Variants in EML6 observed in about 807,000 individuals in gnomAD.
The protein encoded by EML6 is EMAP like 6.
A neutral mutation model predicts 240.1 loss-of-function variants in EML6; 154 were observed. The observed-to-expected ratio is 0.64, with a 90% CI of 0.56 to 0.73. The LOEUF (loss-of-function observed/expected upper bound fraction) is 0.73. Ranked by LOEUF, EML6 falls within the 30% of genes least tolerant of loss-of-function variation. The pLI is 0.00. For synonymous variants in EML6, 1,148 were observed against 899.0 expected (o/e 1.28, Z -4.95); for missense variants, 2,964 against 2,474.6 (o/e 1.20, Z -4.20).
chr2:54,752,725 T>G (rs1265300439), intron 2 of EML6, among the ~76,000 whole-genome samples: 2 of 152,220 alleles, frequency 1.3e-5, no homozygotes. Context: ...TAAATATAAT[T>G]TATTGTGTTC....
At chr2:54,887,326 C>T (rs192507796) in intron 17 of EML6, among the ~76,000 whole-genome samples, 6 of 152,328 alleles carry the variant, frequency 3.9e-5, no homozygotes, top group Admixed American at 3.3e-4. Flanking sequence ...TTCACGTTAG[C>T]TAGAATTATT....
At chr2:54,794,302 T>A (rs1669634689) in intron 2 of EML6, among the ~76,000 whole-genome samples, 1 of 152,206 alleles carries the variant, frequency 6.6e-6, no homozygotes, top group Non-Finnish European at 1.5e-5. Context: ...TGTAGGTCAC[T>A]CAGAGGCATT....
intron 2 of EML6, among the ~76,000 whole-genome samples, chr2:54,731,870 G>C (rs968705503): frequency 6.6e-6 from 1 of 151,728 alleles, no homozygotes; most frequent in African/African-American, 2.4e-5. Flanking sequence ...ACACCTTTTT[G>C]AAGCACTGTG....
In EML6 at chr2:54,813,335, C is replaced by T. The variant is rs918790256; in HGVS notation, c.301C>T (p.Leu101Phe). The T allele has an allele frequency of 6.4e-7, 1 of 1,551,678 alleles. No individual in the cohort carries two copies. Among genetic ancestry groups the T allele is most frequent in the Non-Finnish European group, 8.7e-7 (1 of 1,146,862 alleles). Residue 101 changes from leucine to phenylalanine, a missense_variant, in exon 3 of 42, where the codon CTT becomes TTT. Coordinates refer to ENST00000356458, the MANE Select transcript of EML6 (RefSeq NM_001039753.4). ...CTATAATGTCCAGACTGTGTCTCTT[C>T]TTAAAGATGTCCATACACATGGAGT... is the stretch of plus-strand genomic sequence containing the variant. The part of the protein sequence containing the change: ...DSYNVQTVSL[L>F]KDVHTHGVAC...
chr2:54,946,888 A>T (rs1046383840), intron 28 of EML6, among the ~76,000 whole-genome samples: 4 of 152,060 alleles, frequency 2.6e-5, no homozygotes, highest in Non-Finnish European at 4.4e-5. Context: ...AAACATTGAG[A>T]TTGCTTTACC....
chr2:54,813,426 C>T (rs1020120280), intron 3 of EML6, 35 bp downstream of exon 3: 1 of 1,499,442 alleles, frequency 6.7e-7, no homozygotes, highest in African/African-American at 1.4e-5. Context: ...TATTTAATGA[C>T]TTCTCACAAC....
chr2:54,968,370 GAC>G lies in EML6; in HGVS notation c.5751+93_5751+94del, dbSNP rs1676841547. The G allele has an allele frequency of 4.0e-6, 5 of 1,243,652 alleles. No homozygotes were observed. The South Asian group carries it at 6.6e-5, about 16-fold the overall frequency. 77.0% of individuals were successfully genotyped at this position (1,243,652 alleles called of 1,614,324 possible). A position where few individuals can be genotyped will look rare whatever the true frequency, so the allele number is the denominator to read the frequency against. The stretch of plus-strand genomic sequence containing the variant: ...GCCACGTCTAGATGGCCCTCTGGGA[GAC>G]ACAGAGAAACCCTGTCCCGGTACAG... On this transcript the variant is annotated intron_variant, in intron 40 of 41. Coordinates refer to ENST00000356458, the MANE Select transcript of EML6 (RefSeq NM_001039753.4).
intron 26 of EML6, among the ~76,000 whole-genome samples, chr2:54,923,396 C>G (rs1005128981): frequency 3.3e-5 from 5 of 151,682 alleles, no homozygotes; most frequent in African/African-American, 1.2e-4. Flanking sequence ...CACACACACA[C>G]ACACACACAA....
chr2:54,891,368 G>A (rs561436910), intron 18 of EML6, among the ~76,000 whole-genome samples: 5 of 152,292 alleles, frequency 3.3e-5, no homozygotes, highest in Admixed American at 2.0e-4. Context: ...AGAAAGCTTT[G>A]GAAAATGTTC....
intron 28 of EML6, among the ~76,000 whole-genome samples, chr2:54,939,617 A>G (rs755993449): frequency 6.6e-6 from 1 of 152,170 alleles, no homozygotes; most frequent in Non-Finnish European, 1.5e-5. Context: ...CAGGCATGTC[A>G]TAATCCTGAA....
intron 2 of EML6, among the ~76,000 whole-genome samples, chr2:54,745,339 A>G (rs354205): frequency 0.15 from 22,899 of 152,128 alleles, 2,011 homozygotes; most frequent in Non-Finnish European, 0.19. Flanking sequence ...GGAGATCCAG[A>G]TGGGATAGTG....
chr2:54,897,380 C>G (rs1323805014), intron 21 of EML6, among the ~76,000 whole-genome samples: 1 of 152,226 alleles, frequency 6.6e-6, no homozygotes, highest in Non-Finnish European at 1.5e-5. Flanking sequence ...TGAGCACCTA[C>G]TCTGTGTCAG....
intron 21 of EML6, among the ~76,000 whole-genome samples, chr2:54,895,762 G>T (rs1445278553): frequency 6.6e-6 from 1 of 152,186 alleles, no homozygotes; most frequent in African/African-American, 2.4e-5. Context: ...GCTTGTAAGT[G>T]TAGGACTAAA....
At chr2:54,762,040 A>T (rs1668003894) in intron 2 of EML6, among the ~76,000 whole-genome samples, 1 of 152,166 alleles carries the variant, frequency 6.6e-6, no homozygotes, top group South Asian at 2.1e-4. Flanking sequence ...TTAGTCAGTA[A>T]TGCCAATAAT....
At position 54,886,414 on chromosome 2, in the gene EML6, C is replaced by A. The variant is rs182810700; in HGVS notation, c.2439-4640C>A. 3.2e-3 allele frequency among the ~76,000 whole-genome samples: 485 copies of A among 152,254 alleles called. 6 individuals are homozygous for A. Among genetic ancestry groups the A allele is most frequent in the African/African-American group, 0.011 (454 of 41,546 alleles). On this transcript the variant is annotated intron_variant, in intron 17 of 41. Transcript: ENST00000356458. ...ACTCCTGACCTCCTCAGGTGATCCG[C>A]CCACCTCAGCCCCCCAGAGTGTTGG...
chr2:54,893,515 C>T (rs138645141), intron 19 of EML6, among the ~76,000 whole-genome samples: 75 of 152,304 alleles, frequency 4.9e-4, no homozygotes, highest in Middle Eastern at 3.4e-3. Context: ...AAAGTTCCCA[C>T]ATCTTAGTAC....
intron 17 of EML6, among the ~76,000 whole-genome samples, chr2:54,887,488 GTGT>G (rs754209825): frequency 2.6e-5 from 4 of 152,068 alleles, no homozygotes; most frequent in African/African-American, 4.8e-5. Context: ...ATTTGCTGTG[GTGT>G]TTTTCATCAA....
intron 28 of EML6, among the ~76,000 whole-genome samples, chr2:54,929,568 T>C (rs1266809697): frequency 6.6e-6 from 1 of 152,228 alleles, no homozygotes; most frequent in Non-Finnish European, 1.5e-5. Flanking sequence ...AATACGCTGG[T>C]CCCACAATAT....
chr2:54,768,736 T>C (rs1668289305), intron 2 of EML6, among the ~76,000 whole-genome samples: 1 of 152,190 alleles, frequency 6.6e-6, no homozygotes, highest in African/African-American at 2.4e-5. Flanking sequence ...GAAGACAGAT[T>C]ACAACATCTC....
Sources: allele counts gnomAD v4.1 joint callset (sites outside exome capture counted in the v4.1 genomes callset), GRCh38; gene constraint gnomAD v4.1.1; transcripts MANE v1.5; gene names NCBI Gene and HGNC (gene_info 2026-07-23, HGNC 2026-07-21).